Variants in NXN observed in about 807,000 individuals in gnomAD.
NXN encodes nucleoredoxin.
A neutral mutation model predicts 48.6 loss-of-function variants in NXN; 16 were observed. That is an observed-to-expected ratio of 0.33 (90% CI 0.22 to 0.50). The LOEUF is 0.50. NXN is among the 20% of genes least tolerant of loss of function. The pLI is 0.98. For missense variants in NXN, 492 were observed against 605.5 expected (o/e 0.81, Z 1.97); for synonymous variants, 281 against 269.6 (o/e 1.04, Z -0.41).
chr17:854,776 T>A (rs1286847192), intron 1 of NXN, among the ~76,000 whole-genome samples: 2 of 151,236 alleles, frequency 1.3e-5, no homozygotes, highest in African/African-American at 4.9e-5. Context: ...CTAGCCAACA[T>A]GGTGAAACCC....
At chr17:904,090 T>A (rs1388545268) in intron 1 of NXN, among the ~76,000 whole-genome samples, 1 of 152,260 alleles carries the variant, frequency 6.6e-6, no homozygotes, top group Admixed American at 6.5e-5. Context: ...GTGATTCATG[T>A]AGAATTCCTG....
chr17:873,154 G>A (rs2068177144), intron 1 of NXN, among the ~76,000 whole-genome samples: 1 of 152,182 alleles, frequency 6.6e-6, no homozygotes, highest in South Asian at 2.1e-4. Context: ...GCCAACTGCA[G>A]CTCTTGGGGC....
intron 4 of NXN, 142 bp downstream of exon 4, chr17:822,215 G>T: frequency 1.9e-6 from 1 of 530,480 alleles, no homozygotes; most frequent in South Asian, 2.7e-5. Context: ...GGAGGTGGAG[G>T]TTGCAGTGAG....
intron 1 of NXN, among the ~76,000 whole-genome samples, chr17:954,829 T>C (rs748692441): frequency 8.5e-5 from 13 of 152,248 alleles, no homozygotes; most frequent in Non-Finnish European, 1.8e-4. Context: ...GACTCCCAGA[T>C]TGAAGCACCT....
intron 1 of NXN, among the ~76,000 whole-genome samples, chr17:948,639 C>T (rs1003087087): frequency 2.6e-5 from 4 of 152,110 alleles, no homozygotes; most frequent in South Asian, 2.1e-4. Context: ...AACCATCACT[C>T]GGTGCTTCAC....
At chr17:912,933 G>A (rs749275504) in intron 1 of NXN, among the ~76,000 whole-genome samples, 2 of 151,952 alleles carry the variant, frequency 1.3e-5, no homozygotes, top group African/African-American at 4.8e-5. Context: ...CAGCCTGGGC[G>A]ACAGAGTGAA....
chr17:910,440 A>T (rs1027160670), intron 1 of NXN, among the ~76,000 whole-genome samples: 1 of 152,022 alleles, frequency 6.6e-6, no homozygotes, highest in Non-Finnish European at 1.5e-5. Context: ...TAATCTTTGT[A>T]AGTGGCATAG....
At chr17:903,621 G>T (rs2068556722) in intron 1 of NXN, among the ~76,000 whole-genome samples, 1 of 152,156 alleles carries the variant, frequency 6.6e-6, no homozygotes, top group Non-Finnish European at 1.5e-5. Flanking sequence ...GGGCTCAAGT[G>T]ATCCTCCTGC....
rs187667818 is a variant in NXN, at chr17:827,549, G to A, written c.361-1471C>T. ...GAGGCAGGAGAATGGCGTGAACCCG[G>A]GAGGCGGGGCTTGCGGTGAGCCAGG... On this transcript the variant is annotated intron_variant, in intron 1 of 7. Coordinates refer to ENST00000336868, the MANE Select transcript of NXN (RefSeq NM_022463.5). Among the ~76,000 whole-genome samples the A allele has an allele frequency of 7.2e-3, 1,094 of 152,312 alleles. 16 individuals carry two copies. Among genetic ancestry groups the A allele is most frequent in the African/African-American group, 0.025 (1,047 of 41,572 alleles).
At position 841,587 on chromosome 17, in the gene NXN, G is replaced by C. The variant is rs375311456; in HGVS notation, c.361-15509C>G. 6.9e-3 allele frequency among the ~76,000 whole-genome samples: 259 copies of C among 37,700 alleles called. 22 individuals are homozygous for C. Among genetic ancestry groups the C allele is most frequent in the African/African-American group, 0.019 (82 of 4,320 alleles). The allele number at this position is 37,700 out of a possible 152,430, so 24.7% of individuals were successfully genotyped here. On this transcript the variant is annotated intron_variant, in intron 1 of 7. Transcript: ENST00000336868. ...CCCTGACCACGGAGCATCTCACGCC[G>C]GCGAGCAGGTCCCCCCGACCACAGA...
chr17:865,897 C>T (rs1057485809), intron 1 of NXN, among the ~76,000 whole-genome samples: 14 of 151,944 alleles, frequency 9.2e-5, no homozygotes, highest in African/African-American at 3.4e-4. Flanking sequence ...GCAGGAGAAT[C>T]GCTTGAACCC....
intron 1 of NXN, among the ~76,000 whole-genome samples, chr17:901,194 T>C (rs986340763): frequency 3.2e-4 from 48 of 152,120 alleles, no homozygotes; most frequent in African/African-American, 1.1e-3. Flanking sequence ...GTGATGGGAT[T>C]ACAGGCATGA....
In NXN at chr17:979,496, C is replaced by G. The variant is rs767201883; in HGVS notation, c.183G>C (p.Arg61=). 2 of 1,215,042 alleles carry G rather than the reference C, an allele frequency of 1.6e-6. No individual in the cohort carries two copies. Among genetic ancestry groups the G allele is most frequent in the East Asian group, 7.1e-5 (2 of 28,266 alleles). The allele number at this position is 1,215,042 out of a possible 1,614,324, so 75.3% of individuals were successfully genotyped here. A position where few individuals can be genotyped will look rare whatever the true frequency, so the allele number is the denominator to read the frequency against. The part of the protein sequence containing the change: ...ASLAAFYGRL[R]GDAAAGPGPG... ...GCCCCGGCCCGGCCGCCGCGTCCCCCCGCAGGCGCCCGTAGAAGGCGGCCA... is the reference window on the plus strand; with the variant it reads ...GCCCCGGCCCGGCCGCCGCGTCCCCGCGCAGGCGCCCGTAGAAGGCGGCCA... The change falls in exon 1 of 8, where the codon CGG becomes CGC. Residue 61 remains arginine, a synonymous_variant. Transcript: ENST00000336868.
chr17:805,135 G>A lies in NXN; in HGVS notation c.933C>T (p.Pro311=), dbSNP rs143151425. ...CGTTGGAGTCGGAGAGCTCCAGCAC[G>A]GGCTTGGGGTGCCAGGGGAACTCCC... ...DCREFPWHPK[P]VLELSDSNAA... The change falls in exon 6 of 8, where the codon CCC becomes CCT. Residue 311 remains proline, a synonymous_variant. Coordinates refer to ENST00000336868, the MANE Select transcript of NXN (RefSeq NM_022463.5). 3.2e-5 allele frequency: 51 copies of A among 1,610,054 alleles called. No homozygotes were observed. The highest frequency in any genetic ancestry group is 1.5e-4 in the African/African-American group (11 of 74,878).
intron 1 of NXN, among the ~76,000 whole-genome samples, chr17:878,813 A>G (rs1205461663): frequency 1.3e-5 from 2 of 152,152 alleles, no homozygotes; most frequent in Non-Finnish European, 2.9e-5. Context: ...GAGCCTAAAA[A>G]AACACGCAGA....
chr17:866,321 A>G (rs1039711099), intron 1 of NXN, among the ~76,000 whole-genome samples: 6 of 151,862 alleles, frequency 4.0e-5, no homozygotes, highest in Admixed American at 2.0e-4. Flanking sequence ...AGTGGCTCAC[A>G]CCTGTAATAC....
At chr17:861,001 T>C (rs981092883) in intron 1 of NXN, among the ~76,000 whole-genome samples, 13 of 152,290 alleles carry the variant, frequency 8.5e-5, no homozygotes, top group Admixed American at 2.0e-4. Flanking sequence ...TGCAAATCTG[T>C]AAACAAGGTT....
At chr17:868,765 G>T (rs1319336245) in intron 1 of NXN, among the ~76,000 whole-genome samples, 8 of 152,132 alleles carry the variant, frequency 5.3e-5, no homozygotes, top group South Asian at 4.1e-4. Flanking sequence ...GTGCTGGGAT[G>T]ACAGGCGTGA....
chr17:827,496 G>A (rs1446446480), intron 1 of NXN, among the ~76,000 whole-genome samples: 6 of 152,222 alleles, frequency 3.9e-5, no homozygotes, highest in South Asian at 2.1e-4. Context: ...GGTGGCGGGC[G>A]CCTGTAGTCC....
Sources: gnomAD v4.1 joint callset for allele counts (sites outside exome capture counted in the v4.1 genomes callset) on GRCh38, gnomAD v4.1.1 for gene constraint, MANE v1.5 for transcripts, NCBI Gene and HGNC (gene_info 2026-07-23, HGNC 2026-07-21) for gene names.